Variants in NFIA observed in about 807,000 individuals in gnomAD.
The protein encoded by NFIA is nuclear factor 1 A-type.
A neutral mutation model predicts 62.8 loss-of-function variants in NFIA; 8 were observed. The observed-to-expected ratio is 0.13, with a 90% CI of 0.07 to 0.23. The LOEUF (loss-of-function observed/expected upper bound fraction) is 0.23, where lower values mean the gene tolerates loss of function less well. Ranked by LOEUF, NFIA falls within the 10% of genes least tolerant of loss-of-function variation. The pLI, the probability that NFIA is intolerant of heterozygous loss-of-function variation, is 1.00. For synonymous variants in NFIA, 235 were observed against 238.1 expected (o/e 0.99, Z 0.12); for missense variants, 410 against 642.1 (o/e 0.64, Z 3.91).
At chr1:61,413,061 G>T (rs1666175350) in intron 9 of NFIA, among the ~76,000 whole-genome samples, 1 of 151,862 alleles carries the variant, frequency 6.6e-6, no homozygotes, top group African/African-American at 2.4e-5. Context: ...TAATTAAGTA[G>T]GAACACAAAA....
At chr1:61,105,390 T>G (rs1646578864) in intron 2 of NFIA, among the ~76,000 whole-genome samples, 1 of 151,976 alleles carries the variant, frequency 6.6e-6, no homozygotes, top group Non-Finnish European at 1.5e-5. Flanking sequence ...AACTTTAACT[T>G]TTTTATTCCT....
chr1:61,383,146 T>C, intron 6 of NFIA, 91 bp from the exon 7 acceptor site: 1 of 1,481,922 alleles, frequency 6.7e-7, no homozygotes, highest in Non-Finnish European at 9.2e-7. Context: ...TCTTTTTGTT[T>C]GTTTTTAATT....
At chr1:61,077,599 T>G, upstream of NFIA, 1 of 1,390,684 alleles carries the variant, frequency 7.2e-7, no homozygotes, top group South Asian at 1.8e-5. Flanking sequence ...CATTTTAAAG[T>G]TTCTCACGTA....
At chr1:61,200,059 T>TAC (rs1316688779) in intron 2 of NFIA, among the ~76,000 whole-genome samples, 4 of 55,262 alleles carry the variant, frequency 7.2e-5, no homozygotes, top group Non-Finnish European at 9.4e-5. Flanking sequence ...TATATATATA[T>TAC]ATATATATGT....
chr1:61,383,449 C>A (rs1250627012), intron 7 of NFIA, 84 bp downstream of exon 7: 2 of 1,546,490 alleles, frequency 1.3e-6, no homozygotes, highest in African/African-American at 1.4e-5. Context: ...AATGAGGACT[C>A]CCCCTGAACA....
In NFIA at chr1:61,336,685, C is replaced by T. The variant is rs76787298; in HGVS notation, c.700+4099C>T. On this transcript the variant is annotated intron_variant, in intron 4 of 10. Coordinates refer to ENST00000403491, the MANE Select transcript of NFIA (RefSeq NM_001134673.4). Reference sequence around the variant, plus strand: ...CCACCTATTCATTACCTCCCACTCCCCACCACTGATCTTTTTACTCTCTCC... The same window carrying T: ...CCACCTATTCATTACCTCCCACTCCTCACCACTGATCTTTTTACTCTCTCC... Among the ~76,000 whole-genome samples the T allele has an allele frequency of 4.0e-3, 615 of 152,298 alleles. 7 individuals are homozygous for T. Among genetic ancestry groups the T allele is most frequent in the African/African-American group, 0.014 (592 of 41,562 alleles).
chr1:61,318,400 C>A (rs150485357), intron 3 of NFIA, among the ~76,000 whole-genome samples: 1 of 152,114 alleles, frequency 6.6e-6, no homozygotes, highest in Non-Finnish European at 1.5e-5. Flanking sequence ...CTCACTTCAA[C>A]GGAAATTAGG....
intron 3 of NFIA, among the ~76,000 whole-genome samples, chr1:61,294,933 G>C (rs900765526): frequency 1.3e-5 from 2 of 152,176 alleles, no homozygotes; most frequent in Non-Finnish European, 2.9e-5. Context: ...TAAGTGTCCA[G>C]TCAAGCAGCT....
At chr1:61,167,209 C>A (rs1649636552) in intron 2 of NFIA, among the ~76,000 whole-genome samples, 1 of 152,144 alleles carries the variant, frequency 6.6e-6, no homozygotes, top group Non-Finnish European at 1.5e-5. Flanking sequence ...AAAAATAACC[C>A]TGTAAAAACC....
At chr1:61,341,613 G>A (rs190440540) in intron 4 of NFIA, among the ~76,000 whole-genome samples, 412 of 152,164 alleles carry the variant, frequency 2.7e-3, no homozygotes, top group African/African-American at 9.6e-3. Context: ...CAGTAGCCGG[G>A]ACCACAGGCA....
intron 2 of NFIA, among the ~76,000 whole-genome samples, chr1:61,219,318 A>G (rs1378717964): frequency 6.6e-6 from 1 of 152,156 alleles, no homozygotes; most frequent in Admixed American, 6.6e-5. Context: ...TTATTTCTAA[A>G]CTATTTTTAA....
chr1:61,122,028 C>A (rs1214926529), intron 2 of NFIA, among the ~76,000 whole-genome samples: 1 of 152,074 alleles, frequency 6.6e-6, no homozygotes, highest in Non-Finnish European at 1.5e-5. Flanking sequence ...TTATAAGGGA[C>A]CATAGGTTTC....
intron 2 of NFIA, among the ~76,000 whole-genome samples, chr1:61,147,442 C>T (rs576145976): frequency 3.9e-5 from 6 of 152,294 alleles, no homozygotes; most frequent in East Asian, 1.9e-4. Flanking sequence ...TGAGCCACTG[C>T]GCCTGACCTG....
chr1:61,461,866 A>G lies in NFIA; in HGVS notation c.*6546A>G, dbSNP rs1668544041. The G allele has an allele frequency of 6.6e-6, 1 of 152,004 alleles. No homozygotes were observed. Among genetic ancestry groups the G allele is most frequent in the South Asian group, 2.1e-4 (1 of 4,830 alleles). The allele number at this position is 152,004 out of a possible 1,614,324, so 9.4% of individuals were successfully genotyped here. ...TTGTATCTCTGCAGTGGTTTCAAGGACAAATAGTGTCCAATGTATTGGGCC... is the reference window on the plus strand; with the variant it reads ...TTGTATCTCTGCAGTGGTTTCAAGGGCAAATAGTGTCCAATGTATTGGGCC... On this transcript the variant is annotated 3_prime_UTR_variant, in exon 11 of 11. Coordinates refer to ENST00000403491, the MANE Select transcript of NFIA (RefSeq NM_001134673.4).
chr1:61,403,876 C>T (rs909154522), intron 7 of NFIA, among the ~76,000 whole-genome samples: 6 of 152,118 alleles, frequency 3.9e-5, no homozygotes, highest in Admixed American at 6.5e-5. Flanking sequence ...AACTCATGTC[C>T]ACTGAAAATA....
At chr1:61,297,187 A>G (rs1659232732) in intron 3 of NFIA, among the ~76,000 whole-genome samples, 1 of 152,308 alleles carries the variant, frequency 6.6e-6, no homozygotes, top group Admixed American at 6.5e-5. Context: ...TTCTCTAAAA[A>G]TCACTCTCTT....
rs1484667042 is a variant in NFIA, at chr1:61,460,919, G to C, written c.*5599G>C. Reference sequence around the variant, plus strand: ...GGTTTAAAGGTATTTCACTGAGAACGCAAATTCTGTCTTTTCTTGATTTCG... The same window carrying C: ...GGTTTAAAGGTATTTCACTGAGAACCCAAATTCTGTCTTTTCTTGATTTCG... On this transcript the variant is annotated 3_prime_UTR_variant, in exon 11 of 11. Transcript: ENST00000403491. The C allele has an allele frequency of 6.6e-6, 1 of 152,124 alleles. No homozygotes were observed. The highest frequency in any genetic ancestry group is 1.5e-5 in the Non-Finnish European group (1 of 68,026). 9.4% of individuals were successfully genotyped at this position (152,124 alleles called of 1,614,324 possible).
chr1:61,361,320 T>C (rs1663279953), intron 6 of NFIA, among the ~76,000 whole-genome samples: 1 of 152,212 alleles, frequency 6.6e-6, no homozygotes, highest in Non-Finnish European at 1.5e-5. Context: ...GCATGACCTC[T>C]ATATAGTGCC....
intron 3 of NFIA, among the ~76,000 whole-genome samples, chr1:61,296,357 A>T (rs1037643965): frequency 6.6e-6 from 1 of 152,174 alleles, no homozygotes; most frequent in Non-Finnish European, 1.5e-5. Flanking sequence ...CTCCCCATTG[A>T]CATTCAGATC....
Sources: gnomAD v4.1 joint callset for allele counts (sites outside exome capture counted in the v4.1 genomes callset) on GRCh38, gnomAD v4.1.1 for gene constraint, MANE v1.5 for transcripts, NCBI Gene and HGNC (gene_info 2026-07-23, HGNC 2026-07-21) for gene names.